SNTG1: variants seen among roughly 807,000 people sequenced by gnomAD.
SNTG1 encodes gamma-1-syntrophin.
A neutral mutation model predicts 74.7 loss-of-function variants in SNTG1; 39 were observed. The observed-to-expected ratio is 0.52, with a 90% CI of 0.40 to 0.68. The LOEUF (loss-of-function observed/expected upper bound fraction) is 0.68. SNTG1 is among the 30% of genes least tolerant of loss of function. SNTG1 has a pLI of 0.00. For missense variants in SNTG1, 685 were observed against 609.5 expected (o/e 1.12, Z -1.30); for synonymous variants, 254 against 217.1 (o/e 1.17, Z -1.49).
chr8:49,975,335 C>T (rs766856145), intron 1 of SNTG1, among the ~76,000 whole-genome samples: 4 of 152,090 alleles, frequency 2.6e-5, no homozygotes, highest in Non-Finnish European at 4.4e-5. Context: ...CTTAGAATTT[C>T]ATATTAAGAA....
chr8:50,031,148 T>C (rs1051152113), intron 1 of SNTG1, among the ~76,000 whole-genome samples: 2 of 152,022 alleles, frequency 1.3e-5, no homozygotes, highest in African/African-American at 4.8e-5. Context: ...ATAAATACAA[T>C]TGAGTTTTTT....
At chr8:49,991,614 G>T (rs1327042086) in intron 1 of SNTG1, among the ~76,000 whole-genome samples, 1 of 151,994 alleles carries the variant, frequency 6.6e-6, no homozygotes, top group Admixed American at 6.6e-5. Flanking sequence ...TAAGAAATAA[G>T]AATAAGAAAA....
intron 1 of SNTG1, among the ~76,000 whole-genome samples, chr8:50,082,485 T>C (rs1469694582): frequency 1.3e-5 from 2 of 152,180 alleles, no homozygotes; most frequent in Non-Finnish European, 2.9e-5. Context: ...TGCCTGTTTA[T>C]TTATCTGCTC....
At chr8:50,528,958 T>G (rs765026175) in intron 9 of SNTG1, among the ~76,000 whole-genome samples, 2 of 151,782 alleles carry the variant, frequency 1.3e-5, no homozygotes, top group African/African-American at 2.4e-5. Context: ...TTGCTTTGGT[T>G]CAATTTGCTC....
intron 8 of SNTG1, among the ~76,000 whole-genome samples, chr8:50,501,538 C>G (rs1227454567): frequency 7.0e-6 from 1 of 141,932 alleles, no homozygotes; most frequent in Non-Finnish European, 1.5e-5. Flanking sequence ...CAGGTTCAAA[C>G]GATTCTCCTG....
At chr8:50,742,115 A>G (rs1396129975) in intron 17 of SNTG1, among the ~76,000 whole-genome samples, 1 of 151,942 alleles carries the variant, frequency 6.6e-6, no homozygotes, top group Non-Finnish European at 1.5e-5. Context: ...ACTGCTCTCA[A>G]AAATAAAATC....
intron 4 of SNTG1, among the ~76,000 whole-genome samples, chr8:50,426,384 T>A (rs2093163580): frequency 6.6e-6 from 1 of 152,114 alleles, no homozygotes; most frequent in Non-Finnish European, 1.5e-5. Flanking sequence ...ATCTTAATGA[T>A]CCTGACCCTG....
At chr8:50,112,303 A>G (rs1187524113) in intron 1 of SNTG1, among the ~76,000 whole-genome samples, 10 of 152,092 alleles carry the variant, frequency 6.6e-5, no homozygotes, top group Admixed American at 5.9e-4. Context: ...TTTCAGGCAT[A>G]CGTGGATGAC....
chr8:50,199,138 TG>T (rs2083888190), intron 2 of SNTG1, among the ~76,000 whole-genome samples: 1 of 152,106 alleles, frequency 6.6e-6, no homozygotes, highest in Non-Finnish European at 1.5e-5. Context: ...TTCTTTGCAG[TG>T]TTTTTTTTTA....
At chr8:50,300,620 T>TA (rs58555443) in intron 2 of SNTG1, among the ~76,000 whole-genome samples, 2,288 of 152,072 alleles carry the variant, frequency 0.015, 64 homozygotes, top group African/African-American at 0.051. Context: ...AAGAAAAAAT[T>TA]AAAAAACAGG....
intron 2 of SNTG1, among the ~76,000 whole-genome samples, chr8:50,306,583 A>G (rs554231319): frequency 1.5e-4 from 23 of 152,124 alleles, no homozygotes; most frequent in African/African-American, 5.1e-4. Context: ...TTTTCATATT[A>G]GCCATTCTGG....
intron 1 of SNTG1, among the ~76,000 whole-genome samples, chr8:50,144,044 A>T (rs1464899351): frequency 6.6e-6 from 1 of 152,206 alleles, no homozygotes; most frequent in Non-Finnish European, 1.5e-5. Flanking sequence ...GACACATTTC[A>T]TCAGAAGCAC....
chr8:50,611,741 G>A (rs528991782), intron 13 of SNTG1, among the ~76,000 whole-genome samples: 5 of 152,018 alleles, frequency 3.3e-5, no homozygotes, highest in African/African-American at 7.2e-5. Context: ...TGGGCAACAC[G>A]GAGAGACTCC....
At chr8:49,992,113 A>T (rs1036995684) in intron 1 of SNTG1, among the ~76,000 whole-genome samples, 1 of 152,222 alleles carries the variant, frequency 6.6e-6, no homozygotes, top group Non-Finnish European at 1.5e-5. Flanking sequence ...AAACTTATAC[A>T]TATCTGACCC....
chr8:50,355,941 A>T (rs952815998), intron 2 of SNTG1, among the ~76,000 whole-genome samples: 8 of 152,088 alleles, frequency 5.3e-5, no homozygotes, highest in Non-Finnish European at 8.8e-5. Context: ...GATCCTTCTG[A>T]GTGGCAGGGA....
At chr8:50,457,235 A>G (rs535694745) in intron 8 of SNTG1, among the ~76,000 whole-genome samples, 1 of 152,294 alleles carries the variant, frequency 6.6e-6, no homozygotes, top group South Asian at 2.1e-4. Flanking sequence ...ATTGTCAAAG[A>G]ACACAAACAT....
At chr8:50,245,446 G>A (rs1563791539) in intron 2 of SNTG1, among the ~76,000 whole-genome samples, 1 of 152,142 alleles carries the variant, frequency 6.6e-6, no homozygotes, top group African/African-American at 2.4e-5. Flanking sequence ...ACTTTGGAAG[G>A]CTGAGGCGTG....
intron 1 of SNTG1, among the ~76,000 whole-genome samples, chr8:49,953,932 T>G (rs994840178): frequency 1.3e-5 from 2 of 152,240 alleles, no homozygotes; most frequent in African/African-American, 4.8e-5. Context: ...TTTTCCTTCA[T>G]GCACTTCTAT....
chr8:50,323,298 T>C (rs1363906615), intron 2 of SNTG1, among the ~76,000 whole-genome samples: 1 of 152,174 alleles, frequency 6.6e-6, no homozygotes, highest in Non-Finnish European at 1.5e-5. Context: ...TTTTGAATTC[T>C]CTGTCTGAAA....
Sources: gnomAD v4.1 joint callset for allele counts (sites outside exome capture counted in the v4.1 genomes callset) on GRCh38, gnomAD v4.1.1 for gene constraint, MANE v1.5 for transcripts, NCBI Gene and HGNC (gene_info 2026-07-23, HGNC 2026-07-21) for gene names.